SOD2: variants seen among roughly 807,000 people sequenced by gnomAD.
SOD2 encodes the protein superoxide dismutase 2, also known as superoxide dismutase [Mn], mitochondrial.
SOD2 carries 11 observed loss-of-function variants against 27.0 expected under a neutral mutation model. The observed-to-expected ratio is 0.41, with a 90% CI of 0.26 to 0.67. SOD2 has a LOEUF of 0.67. SOD2 is among the 30% of genes least tolerant of loss of function. SOD2 has a pLI of 0.34. For synonymous variants in SOD2, 105 were observed against 103.0 expected (o/e 1.02, Z -0.12); for missense variants, 250 against 274.5 (o/e 0.91, Z 0.63).
At chr6:159,727,408 T>TGGCGCTGGCCTGC, upstream of SOD2, 2 of 553,382 alleles carry the variant, frequency 3.6e-6, no homozygotes, top group Non-Finnish European at 4.6e-6. Context: ...CGGGAGGCAG[T>TGGCGCTGGCCTGC]GGCGCTGGCC....
chr6:159,728,205 T>TG, upstream of SOD2, among the ~76,000 whole-genome samples: 1 of 152,374 alleles, frequency 6.6e-6, no homozygotes, highest in Admixed American at 6.5e-5. Flanking sequence ...GGAAAGAAAC[T>TG]GAATTATTGC....
intron 1 of SOD2, chr6:159,726,903 T>G: frequency 7.8e-7 from 1 of 1,288,924 alleles, no homozygotes; most frequent in South Asian, 1.2e-5. Context: ...CCACGGCCTC[T>G]CTCTTGAGGT....
intron 1 of SOD2, chr6:159,726,977 T>A: frequency 7.8e-7 from 1 of 1,281,456 alleles, no homozygotes. Flanking sequence ...GAGCGGCCAA[T>A]CACGCGCCGC....
intron 1 of SOD2, among the ~76,000 whole-genome samples, chr6:159,742,828 G>T (rs1203618002): frequency 6.6e-6 from 1 of 151,934 alleles, no homozygotes; most frequent in South Asian, 2.1e-4. Flanking sequence ...GGCCAAGGTG[G>T]GAAGATCACT....
At chr6:159,755,764 T>TG in intron 1 of SOD2, 1 of 674,942 alleles carries the variant, frequency 1.5e-6, no homozygotes, top group Non-Finnish European at 1.9e-6. Context: ...TTTTTTCTTT[T>TG]CTTTTTTTTT....
intron 1 of SOD2, among the ~76,000 whole-genome samples, chr6:159,757,871 T>C (rs368970593): frequency 1.3e-5 from 2 of 152,222 alleles, no homozygotes; most frequent in East Asian, 3.9e-4. Context: ...AAAATGTAAT[T>C]TCTCTGTCCT....
chr6:159,710,429 CAG>C (rs966534562), intron 1 of SOD2, among the ~76,000 whole-genome samples: 12 of 151,978 alleles, frequency 7.9e-5, no homozygotes, highest in African/African-American at 2.7e-4. Flanking sequence ...AACCTGGCGA[CAG>C]AGTTAGACTC....
chr6:159,740,541 C>T (rs749943091), intron 1 of SOD2, among the ~76,000 whole-genome samples: 3 of 152,108 alleles, frequency 2.0e-5, no homozygotes, highest in Non-Finnish European at 4.4e-5. Flanking sequence ...TCTTTTATAG[C>T]CTCCACTGAA....
In SOD2 at chr6:159,674,562, A is replaced by C. The variant is rs939335038; in HGVS notation, c.*7931T>G. On this transcript the variant is annotated 3_prime_UTR_variant, in exon 5 of 5. Coordinates refer to ENST00000538183, the MANE Select transcript of SOD2 (RefSeq NM_000636.4). ...AATTCAACAGCCCTTCATGCTAAAA[A>C]CTCTCAATGAATTAGGTATTGATGG... 5.3e-5 allele frequency: 8 copies of C among 152,098 alleles called. No individual in the cohort carries two copies. The highest frequency in any genetic ancestry group is 1.9e-4 in the African/African-American group (8 of 41,398). The allele number at this position is 152,098 out of a possible 1,614,324, so 9.4% of individuals were successfully genotyped here.
chr6:159,741,647 T>C (rs1363634199), intron 1 of SOD2: 1 of 158,346 alleles, frequency 6.3e-6, no homozygotes, highest in East Asian at 1.9e-4. Flanking sequence ...TTTACCTGTT[T>C]CCTGTAAAAT....
intron 2 of SOD2, chr6:159,690,959 T>A (rs1288451866): frequency 6.6e-6 from 1 of 152,188 alleles, no homozygotes; most frequent in Non-Finnish European, 1.5e-5. Context: ...TTAAATGTGA[T>A]GAGATTATGA....
At position 159,674,164 on chromosome 6, in the gene SOD2, G is replaced by A. The variant is rs111811221; in HGVS notation, c.*8329C>T. 5 of 152,204 alleles carry A rather than the reference G, an allele frequency of 3.3e-5. No homozygotes were observed. Among genetic ancestry groups the A allele is most frequent in the African/African-American group, 1.2e-4 (5 of 41,516 alleles). The allele number at this position is 152,204 out of a possible 1,614,324, so 9.4% of individuals were successfully genotyped here. ...GGATTCACAGCCGAATTCTACCAGAGGTACAAGGAAGAGCTGGTACCATTC... is the reference window on the plus strand; with the variant it reads ...GGATTCACAGCCGAATTCTACCAGAAGTACAAGGAAGAGCTGGTACCATTC... On this transcript the variant is annotated 3_prime_UTR_variant, in exon 5 of 5. Transcript: ENST00000538183.
Position 159,738,955 on chromosome 6 carries a change from A to G in SOD2, c.-116+6175T>C, listed in dbSNP as rs1583079358. On this transcript the variant is annotated intron_variant, in intron 1 of 3. Coordinates refer to the SOD2 transcript ENST00000537657. ...ATTATAGAACTTTGTGTCTTCAGGA[A>G]GAACACTAAATTCATATTGTAATTC... The G allele has an allele frequency of 9.0e-6, 14 of 1,547,242 alleles. No homozygotes were observed. In the East Asian group the frequency reaches 1.4e-4, roughly 15 times the overall value.
intron 1 of SOD2, among the ~76,000 whole-genome samples, chr6:159,732,885 T>G (rs148174260): frequency 5.3e-5 from 3 of 56,912 alleles, no homozygotes; most frequent in South Asian, 9.4e-4. Flanking sequence ...TATATATATA[T>G]AGTGTGTGTG....
chr6:159,701,986 C>A (rs1483212429), intron 1 of SOD2, among the ~76,000 whole-genome samples: 1 of 152,154 alleles, frequency 6.6e-6, no homozygotes, highest in African/African-American at 2.4e-5. Flanking sequence ...AGAACAAGAA[C>A]AAAATCTCCC....
At chr6:159,718,428 A>C in intron 1 of SOD2, among the ~76,000 whole-genome samples, 1 of 152,216 alleles carries the variant, frequency 6.6e-6, no homozygotes, top group Admixed American at 6.5e-5. Flanking sequence ...TGAATTTCTG[A>C]AATAATATTT....
chr6:159,717,404 T>C (rs1777939865), intron 1 of SOD2, among the ~76,000 whole-genome samples: 1 of 152,236 alleles, frequency 6.6e-6, no homozygotes, highest in Non-Finnish European at 1.5e-5. Context: ...CATGAGCCAC[T>C]GTGCCTAACC....
chr6:159,728,282 C>T (rs573213512), upstream of SOD2, among the ~76,000 whole-genome samples: 3 of 151,616 alleles, frequency 2.0e-5, no homozygotes, highest in East Asian at 1.9e-4. Context: ...TTTTTTTCAC[C>T]GTTTTTCATA....
intron 1 of SOD2, 83 bp from the exon 2 acceptor site, chr6:159,692,946 C>T (rs2114795183): frequency 1.5e-6 from 2 of 1,376,538 alleles, no homozygotes; most frequent in Non-Finnish European, 1.9e-6. Context: ...CGGCAGCGCG[C>T]GGCGTCCCCC....
Sources: gnomAD v4.1 joint callset for allele counts (sites outside exome capture counted in the v4.1 genomes callset) on GRCh38, gnomAD v4.1.1 for gene constraint, MANE v1.5 for transcripts, NCBI Gene and HGNC (gene_info 2026-07-23, HGNC 2026-07-21) for gene names.